Variants in VAV3 observed in about 807,000 individuals in gnomAD.
The protein encoded by VAV3 is guanine nucleotide exchange factor VAV3.
In VAV3, 94 loss-of-function variants were observed where a neutral mutation model predicts 131.2. That is an observed-to-expected ratio of 0.72 (90% confidence interval 0.61 to 0.85). The LOEUF (loss-of-function observed/expected upper bound fraction) is 0.85, where lower values mean the gene tolerates loss of function less well. Ranked by LOEUF, VAV3 falls within the 40% of genes least tolerant of loss-of-function variation. The pLI is 0.00. For missense variants in VAV3, 939 were observed against 1,002.7 expected, an observed-to-expected ratio of 0.94 and a Z score of 0.86; for synonymous variants, 349 against 342.0, an observed-to-expected ratio of 1.02 and a Z score of -0.22.
rs868461767 is a variant in VAV3, at chr1:107,880,688, G to A, written c.205-5671C>T. On this transcript the variant is annotated intron_variant, in intron 1 of 26. Transcript: ENST00000370056. ...GCACACACCTATGGTCCCAGTTACT[G>A]GGGAGGCTGAGGCATGATAATCCCT... Among the ~76,000 whole-genome samples the A allele has an allele frequency of 3.9e-5, 6 of 151,986 alleles. No individual in the cohort carries two copies. In the East Asian group the frequency reaches 9.7e-4, roughly 25 times the overall value.
At position 107,770,150 on chromosome 1, in the gene VAV3, T is replaced by C. The variant is rs148133071; in HGVS notation, c.648+486A>G. ...GAAGCACATGCTGAACACTTTCCAA[T>C]CAGAGGGGCTCTCTCGGGAATGATC... On this transcript the variant is annotated intron_variant, in intron 6 of 26. Coordinates refer to ENST00000370056, the MANE Select transcript of VAV3 (RefSeq NM_006113.5). 6.7e-3 allele frequency among the ~76,000 whole-genome samples: 1,018 copies of C among 152,150 alleles called. 3 individuals carry two copies. Among genetic ancestry groups the C allele is most frequent in the Non-Finnish European group, 9.3e-3 (635 of 68,014 alleles).
At chr1:107,884,402 TTATTTATTATTA>T (rs1670929040) in intron 1 of VAV3, among the ~76,000 whole-genome samples, 1 of 113,596 alleles carries the variant, frequency 8.8e-6, no homozygotes, top group African/African-American at 3.5e-5. Context: ...TAAAAATAAA[TTATTTATTATTA>T]TTATTATTAT....
intron 1 of VAV3, among the ~76,000 whole-genome samples, chr1:107,932,375 G>A (rs1304426036): frequency 6.6e-6 from 1 of 152,204 alleles, no homozygotes; most frequent in African/African-American, 2.4e-5. Flanking sequence ...CCAGGAGTGA[G>A]TGACATTAGT....
chr1:107,605,830 C>T (rs781404206), intron 22 of VAV3, among the ~76,000 whole-genome samples: 1 of 152,060 alleles, frequency 6.6e-6, no homozygotes, highest in Non-Finnish European at 1.5e-5. Flanking sequence ...GCAAATATTC[C>T]AAAATCTGAA....
intron 2 of VAV3, among the ~76,000 whole-genome samples, chr1:107,785,801 G>A (rs867865132): frequency 2.6e-5 from 4 of 152,186 alleles, no homozygotes; most frequent in Non-Finnish European, 4.4e-5. Context: ...AGGCATCCCA[G>A]ACACCAGGTT....
At chr1:107,602,525 A>C (rs1419184679) in intron 23 of VAV3, 41 bp from the exon 24 acceptor site, 1 of 1,441,526 alleles carries the variant, frequency 6.9e-7, no homozygotes, top group Non-Finnish European at 9.3e-7. Context: ...ATGTGTTTTT[A>C]ATCAGTAGAA....
intron 20 of VAV3, among the ~76,000 whole-genome samples, chr1:107,634,747 A>C (rs1654777475): frequency 1.3e-5 from 2 of 151,346 alleles, no homozygotes; most frequent in African/African-American, 2.4e-5. Flanking sequence ...AATATCCAGA[A>C]TCTACAATGA....
chr1:107,875,217 A>T (rs1670437409), intron 1 of VAV3, among the ~76,000 whole-genome samples, 200 bp from the exon 2 acceptor site: 1 of 152,284 alleles, frequency 6.6e-6, no homozygotes, highest in African/African-American at 2.4e-5. Flanking sequence ...GACCAAGGCA[A>T]TTTCTACCCT....
At chr1:107,610,052 C>T (rs1557701177) in intron 21 of VAV3, 87 bp from the exon 22 acceptor site, 3 of 1,267,558 alleles carry the variant, frequency 2.4e-6, no homozygotes, top group Non-Finnish European at 3.4e-6. Flanking sequence ...GCTGACTCAG[C>T]TCTATAAAAC....
intron 1 of VAV3, among the ~76,000 whole-genome samples, chr1:107,943,579 TA>T (rs1674102251): frequency 6.6e-6 from 1 of 152,026 alleles, no homozygotes; most frequent in South Asian, 2.1e-4. Flanking sequence ...CCATCTCTAC[TA>T]AAAGTACAAA....
rs987297226 is a variant in VAV3 at position 107,952,481 on chromosome 1, TATATACAC to T, written c.204+12177_204+12184del. Among the ~76,000 whole-genome samples the T allele has an allele frequency of 2.8e-4, 40 of 140,796 alleles. 2 individuals carry two copies. In the South Asian group the frequency reaches 4.9e-3, roughly 17 times the overall value. The allele number at this position is 140,796 out of a possible 152,430, so 92.4% of individuals were successfully genotyped here. A position where few individuals can be genotyped will look rare whatever the true frequency, so the allele number is the denominator to read the frequency against. On this transcript the variant is annotated intron_variant, in intron 1 of 26. Transcript: ENST00000370056. ...TATAACAAAACTTTATATATATATA[TATATACAC>T]ACATAAATTCAACCTAAAAAAAGAA... is the stretch of plus-strand genomic sequence containing the variant.
intron 2 of VAV3, among the ~76,000 whole-genome samples, chr1:107,795,079 G>A (rs549015754): frequency 2.0e-4 from 31 of 152,300 alleles, no homozygotes; most frequent in Admixed American, 1.1e-3. Context: ...TCTTTCATCA[G>A]AGGTATTTGG....
chr1:107,879,390 G>A (rs757220837), intron 1 of VAV3, among the ~76,000 whole-genome samples: 1 of 152,168 alleles, frequency 6.6e-6, no homozygotes, highest in Non-Finnish European at 1.5e-5. Flanking sequence ...GGCCTCTAAT[G>A]TTCCTCTCAG....
intron 19 of VAV3, among the ~76,000 whole-genome samples, chr1:107,656,264 T>G (rs1369014269): frequency 6.6e-6 from 1 of 152,148 alleles, no homozygotes; most frequent in East Asian, 1.9e-4. Flanking sequence ...GAAACATCAT[T>G]CAGCCATACA....
At chr1:107,602,720 A>T (rs1423281597) in intron 23 of VAV3, among the ~76,000 whole-genome samples, 2 of 152,124 alleles carry the variant, frequency 1.3e-5, no homozygotes, top group Non-Finnish European at 2.9e-5. Context: ...CATTATGCAC[A>T]ATTTATTAAG....
At chr1:107,726,359 C>T (rs537910286) in intron 15 of VAV3, among the ~76,000 whole-genome samples, 2 of 152,310 alleles carry the variant, frequency 1.3e-5, no homozygotes, top group South Asian at 4.1e-4. Flanking sequence ...GCCAGAAAGT[C>T]CTCTGTGCTC....
At chr1:107,677,635 T>C (rs1396637335) in intron 19 of VAV3, among the ~76,000 whole-genome samples, 1 of 152,192 alleles carries the variant, frequency 6.6e-6, no homozygotes, top group Admixed American at 6.5e-5. Context: ...AAATATTTAA[T>C]AGATATATAC....
rs191149714 is a variant in VAV3, at chr1:107,735,917, T to G, written c.1502+13051A>C. ...ACACAACAACAAAAAAAGAGAATTT[T>G]AGACCAATATCCCTGATGAACATCA... On this transcript the variant is annotated intron_variant, in intron 15 of 26. Transcript: ENST00000370056. Among the ~76,000 whole-genome samples the G allele has an allele frequency of 1.8e-4, 27 of 152,248 alleles. 1 individual carries two copies. The South Asian group carries it at 5.0e-3, about 28-fold the overall frequency.
intron 19 of VAV3, among the ~76,000 whole-genome samples, chr1:107,643,058 T>C (rs781749044): frequency 5.9e-5 from 9 of 152,108 alleles, no homozygotes; most frequent in Non-Finnish European, 1.3e-4. Flanking sequence ...AAAAAACACA[T>C]CACGTACAGT....
Sources: gnomAD v4.1 joint callset for allele counts (sites outside exome capture counted in the v4.1 genomes callset) on GRCh38, gnomAD v4.1.1 for gene constraint, MANE v1.5 for transcripts, NCBI Gene and HGNC (gene_info 2026-07-23, HGNC 2026-07-21) for gene names.